The following SOX6 variants were observed in gnomAD, a reference collection of about 807,000 sequenced individuals.
SOX6 encodes the protein SRY-box transcription factor 6, also known as transcription factor SOX-6.
Under a neutral mutation model 97.8 loss-of-function variants are expected in SOX6, and 11 were observed. That is an observed-to-expected ratio of 0.11 (90% confidence interval 0.07 to 0.19). SOX6 has a LOEUF of 0.19. SOX6 is among the 10% of genes least tolerant of loss of function. The pLI, the probability that SOX6 is intolerant of heterozygous loss-of-function variation, is 1.00. For synonymous variants in SOX6, 360 were observed against 371.4 expected (o/e 0.97, Z 0.35); for missense variants, 810 against 1,039.5 (o/e 0.78, Z 3.04).
At chr11:16,135,446 G>A (rs1849936173) in intron 6 of SOX6, among the ~76,000 whole-genome samples, 1 of 152,158 alleles carries the variant, frequency 6.6e-6, no homozygotes, top group South Asian at 2.1e-4. Context: ...AAAAACATCT[G>A]TGATTCTTGG....
intron 3 of SOX6, chr11:16,317,075 C>G (rs994028788): frequency 2.1e-4 from 32 of 151,894 alleles, no homozygotes; most frequent in African/African-American, 7.7e-4. Context: ...GAGAAACCAA[C>G]ACACACACCA....
chr11:16,105,904 T>A (rs1849068177), intron 7 of SOX6, among the ~76,000 whole-genome samples: 1 of 152,028 alleles, frequency 6.6e-6, no homozygotes, highest in South Asian at 2.1e-4. Context: ...TTTCTAAACA[T>A]CAGCAACGAA....
intron 4 of SOX6, among the ~76,000 whole-genome samples, chr11:16,496,501 G>A (rs888549169): frequency 1.3e-5 from 2 of 152,198 alleles, no homozygotes; most frequent in Admixed American, 1.3e-4. Context: ...CACCGAGCAT[G>A]AGCCAAAGCA....
At chr11:16,731,181 T>C (rs1848346770) in intron 2 of SOX6, among the ~76,000 whole-genome samples, 1 of 152,124 alleles carries the variant, frequency 6.6e-6, no homozygotes, top group South Asian at 2.1e-4. Flanking sequence ...AAAGGGGAGC[T>C]GGTACCATTC....
chr11:16,381,696 C>A (rs549771555), intron 1 of SOX6, among the ~76,000 whole-genome samples: 3 of 151,762 alleles, frequency 2.0e-5, no homozygotes, highest in African/African-American at 7.3e-5. Flanking sequence ...ATGCTTGAAA[C>A]CTTTTCTTTT....
At chr11:16,690,189 G>C (rs923810663) in intron 3 of SOX6, among the ~76,000 whole-genome samples, 1 of 152,116 alleles carries the variant, frequency 6.6e-6, no homozygotes, top group African/African-American at 2.4e-5. Flanking sequence ...CCTGAGCCAA[G>C]GTGTGAGCCA....
intron 1 of SOX6, among the ~76,000 whole-genome samples, chr11:16,391,051 A>G (rs1481329064): frequency 1.3e-5 from 2 of 152,206 alleles, no homozygotes; most frequent in Non-Finnish European, 2.9e-5. Context: ...AGGGACATGG[A>G]TGAAGCTGGA....
intron 3 of SOX6, among the ~76,000 whole-genome samples, chr11:16,288,211 T>C (rs1015939043): frequency 2.6e-5 from 4 of 151,980 alleles, no homozygotes; most frequent in Non-Finnish European, 4.4e-5. Flanking sequence ...TCCCATCATA[T>C]ACAATTTCTT....
In SOX6 at chr11:16,062,244, A is replaced by T. The variant is rs1263973372; in HGVS notation, c.1102-6343T>A. ...TAACACAGATAGTCTAGTTAATAACAGTGTAGTTATTAACAGTCTAGTTAA... is the reference window on the plus strand; with the variant it reads ...TAACACAGATAGTCTAGTTAATAACTGTGTAGTTATTAACAGTCTAGTTAA... On this transcript the variant is annotated intron_variant, in intron 9 of 15. Transcript: ENST00000683767. 2.0e-5 allele frequency among the ~76,000 whole-genome samples: 3 copies of T among 151,786 alleles called. No individual in the cohort carries two copies. The East Asian group carries it at 5.8e-4, about 29-fold the overall frequency.
intron 1 of SOX6, among the ~76,000 whole-genome samples, chr11:16,453,348 T>G (rs1565150888): frequency 6.6e-6 from 1 of 152,270 alleles, no homozygotes; most frequent in East Asian, 1.9e-4. Context: ...TTGGATTTTT[T>G]TAAGGTTAAC....
intron 1 of SOX6, among the ~76,000 whole-genome samples, chr11:16,342,195 A>G (rs754099888): frequency 1.3e-5 from 2 of 152,042 alleles, no homozygotes; most frequent in African/African-American, 2.4e-5. Flanking sequence ...TGATTATTAA[A>G]TAGAATTTCA....
rs1848832428 is a variant in SOX6, at chr11:16,097,604, C to T, written c.978+5G>A. On this transcript the variant is annotated splice_donor_5th_base_variant and intron_variant, in intron 8 of 15. Coordinates refer to ENST00000683767, the MANE Select transcript of SOX6 (RefSeq NM_001367873.1). ...TATCCCACATTTTTTTCTTCTGGCA[C>T]TTACCTGGAGCTGTAAAGGGCTGAG... 2 of 1,610,720 alleles carry T rather than the reference C, an allele frequency of 1.2e-6. No homozygotes were observed. The highest frequency in any genetic ancestry group is 1.7e-6 in the Non-Finnish European group (2 of 1,177,800).
At chr11:15,980,954 A>G (rs1387114019) in intron 15 of SOX6, among the ~76,000 whole-genome samples, 1 of 150,632 alleles carries the variant, frequency 6.6e-6, no homozygotes, top group Non-Finnish European at 1.5e-5. Context: ...GAATTCTCTG[A>G]AACTCATGTG....
intron 1 of SOX6, among the ~76,000 whole-genome samples, chr11:16,364,671 T>C (rs758552310): frequency 2.0e-5 from 3 of 152,094 alleles, no homozygotes; most frequent in Non-Finnish European, 4.4e-5. Flanking sequence ...ATTTGAAAAG[T>C]ATAAAACACC....
chr11:16,497,261 C>T (rs891177820), intron 4 of SOX6, among the ~76,000 whole-genome samples: 1 of 152,164 alleles, frequency 6.6e-6, no homozygotes, highest in African/African-American at 2.4e-5. Flanking sequence ...AGGGTCCTAA[C>T]TGTTAGAAGG....
chr11:16,513,915 A>C (rs971496398), intron 4 of SOX6, among the ~76,000 whole-genome samples: 1 of 152,152 alleles, frequency 6.6e-6, no homozygotes, highest in Non-Finnish European at 1.5e-5. Flanking sequence ...GCAAAAATCC[A>C]TCTAAATGTA....
chr11:16,622,400 A>T (rs1848557528), intron 3 of SOX6, among the ~76,000 whole-genome samples: 2 of 152,134 alleles, frequency 1.3e-5, no homozygotes, highest in African/African-American at 4.8e-5. Context: ...CCCAATGTGT[A>T]GTCTTTTAAC....
At chr11:15,995,776 G>C (rs1217516636) in intron 13 of SOX6, among the ~76,000 whole-genome samples, 1 of 152,044 alleles carries the variant, frequency 6.6e-6, no homozygotes, top group Non-Finnish European at 1.5e-5. Flanking sequence ...TTACAAATAA[G>C]GGCTGATTAT....
At chr11:16,286,902 T>C (rs979108844) in intron 3 of SOX6, among the ~76,000 whole-genome samples, 4 of 152,118 alleles carry the variant, frequency 2.6e-5, no homozygotes, top group Non-Finnish European at 5.9e-5. Flanking sequence ...TTAAGCTAGA[T>C]GATAGGTCCA....
Sources: gnomAD v4.1 joint callset for allele counts (sites outside exome capture counted in the v4.1 genomes callset) on GRCh38, gnomAD v4.1.1 for gene constraint, MANE v1.5 for transcripts, NCBI Gene and HGNC (gene_info 2026-07-23, HGNC 2026-07-21) for gene names.